Variants in TBC1D22A observed in about 807,000 individuals in gnomAD.
TBC1D22A encodes the protein TBC1 domain family member 22A.
A neutral mutation model predicts 60.2 loss-of-function variants in TBC1D22A; 38 were observed. That is an observed-to-expected ratio of 0.63 (90% CI 0.49 to 0.83). The LOEUF (loss-of-function observed/expected upper bound fraction) is 0.83, where lower values mean the gene tolerates loss of function less well. Ranked by LOEUF, TBC1D22A falls within the 40% of genes least tolerant of loss-of-function variation. The pLI, the probability that TBC1D22A is intolerant of heterozygous loss-of-function variation, is 0.00. For missense variants in TBC1D22A, 628 were observed against 701.0 expected (o/e 0.90, Z 1.18); for synonymous variants, 302 against 281.7 (o/e 1.07, Z -0.72).
intron 9 of TBC1D22A, among the ~76,000 whole-genome samples, chr22:46,993,569 T>C (rs1216184690): frequency 6.6e-6 from 1 of 152,188 alleles, no homozygotes; most frequent in Non-Finnish European, 1.5e-5. Context: ...GTGATCTGGG[T>C]GCCAGGTGTG....
chr22:46,829,495 C>T (rs1055385097), intron 4 of TBC1D22A, among the ~76,000 whole-genome samples: 1 of 152,204 alleles, frequency 6.6e-6, no homozygotes, highest in African/African-American at 2.4e-5. Flanking sequence ...AGACAGAACT[C>T]TTCTAACCGA....
intron 8 of TBC1D22A, chr22:46,913,594 C>A: frequency 8.6e-7 from 1 of 1,158,064 alleles, no homozygotes; most frequent in Non-Finnish European, 1.1e-6. Flanking sequence ...CCTGAGGGTG[C>A]TTGCTTTTCT....
intron 1 of TBC1D22A, among the ~76,000 whole-genome samples, chr22:46,775,834 T>C (rs1418352660): frequency 1.3e-5 from 2 of 152,246 alleles, no homozygotes; most frequent in Non-Finnish European, 2.9e-5. Flanking sequence ...TGTGCTGTGT[T>C]CTTGGAAGTT....
chr22:46,825,952 G>A (rs570635436), intron 4 of TBC1D22A, among the ~76,000 whole-genome samples: 3 of 146,888 alleles, frequency 2.0e-5, no homozygotes, highest in Non-Finnish European at 4.5e-5. Context: ...GCGCCATCTC[G>A]GCTTACTGCA....
chr22:46,996,838 A>T (rs375316539), intron 9 of TBC1D22A, among the ~76,000 whole-genome samples: 2 of 152,168 alleles, frequency 1.3e-5, no homozygotes, highest in Non-Finnish European at 2.9e-5. Flanking sequence ...TGGACCTGTC[A>T]CTGCCCCGGT....
At chr22:46,994,707 T>C (rs1197052469) in intron 9 of TBC1D22A, among the ~76,000 whole-genome samples, 1 of 152,258 alleles carries the variant, frequency 6.6e-6, no homozygotes, top group Non-Finnish European at 1.5e-5. Context: ...GGTTTACTTC[T>C]CACCCTTAAT....
chr22:46,894,654 A>G (rs976201342), intron 6 of TBC1D22A, 130 bp from the exon 7 acceptor site: 2 of 1,084,342 alleles, frequency 1.8e-6, no homozygotes, highest in African/African-American at 3.1e-5. Context: ...ATGGAGAACG[A>G]GAATCCTCAA....
At chr22:47,060,754 A>T (rs2063545563) in intron 11 of TBC1D22A, among the ~76,000 whole-genome samples, 1 of 152,178 alleles carries the variant, frequency 6.6e-6, no homozygotes, top group Non-Finnish European at 1.5e-5. Flanking sequence ...TAGGAGGAAA[A>T]TGCTGCCAGA....
chr22:46,924,184 C>T (rs953497934), intron 8 of TBC1D22A, among the ~76,000 whole-genome samples: 1 of 152,172 alleles, frequency 6.6e-6, no homozygotes, highest in Admixed American at 6.5e-5. Flanking sequence ...TAGAAACAGT[C>T]TTGACTGAGT....
Position 47,113,783 on chromosome 22 carries a change from C to G in TBC1D22A, c.1425+2180C>G, listed in dbSNP as rs114060989. On this transcript the variant is annotated intron_variant, in intron 12 of 12. Coordinates refer to ENST00000337137, the MANE Select transcript of TBC1D22A (RefSeq NM_014346.5). ...CTGTTGTGAATACGTGCAGAAGTGT[C>G]ACTCCGGCCCTGGAGGCTGAAGCAG... Among the ~76,000 whole-genome samples the G allele has an allele frequency of 8.3e-3, 1,257 of 152,280 alleles. 21 individuals are homozygous for G. The highest frequency in any genetic ancestry group is 0.028 in the African/African-American group (1,154 of 41,548).
chr22:47,087,066 A>C (rs940116671), intron 11 of TBC1D22A, among the ~76,000 whole-genome samples: 6 of 152,218 alleles, frequency 3.9e-5, no homozygotes, highest in Non-Finnish European at 8.8e-5. Context: ...TGGTTGCCTC[A>C]CTGTTTACTG....
At chr22:47,078,554 C>T (rs777184145) in intron 11 of TBC1D22A, among the ~76,000 whole-genome samples, 15 of 152,080 alleles carry the variant, frequency 9.9e-5, no homozygotes, top group East Asian at 3.9e-4. Flanking sequence ...GAATGTAACG[C>T]GCTTAGCACA....
chr22:47,108,770 A>G (rs1017979975), intron 11 of TBC1D22A, among the ~76,000 whole-genome samples: 1 of 152,114 alleles, frequency 6.6e-6, no homozygotes, highest in African/African-American at 2.4e-5. Flanking sequence ...ATCTCGGCTC[A>G]CTGCAAGCTC....
chr22:47,160,385 A>G (rs1386323306), intron 12 of TBC1D22A, among the ~76,000 whole-genome samples: 3 of 152,178 alleles, frequency 2.0e-5, no homozygotes, highest in Non-Finnish European at 2.9e-5. Context: ...CATGTGGCCC[A>G]TTGATCCTAC....
chr22:47,039,429 T>C lies in TBC1D22A; in HGVS notation c.1329+2231T>C, dbSNP rs111769778. Reference sequence around the variant, plus strand: ...ACTCTCCCCTAAACTGGGGGGTTTATTAGCTGAGCCATTACAGGTTTTAGT... The same window carrying C: ...ACTCTCCCCTAAACTGGGGGGTTTACTAGCTGAGCCATTACAGGTTTTAGT... On this transcript the variant is annotated intron_variant, in intron 11 of 12. Transcript: ENST00000337137. Among the ~76,000 whole-genome samples, 741 of 152,282 alleles carry C rather than the reference T, an allele frequency of 4.9e-3. 5 individuals are homozygous for C. Among genetic ancestry groups the C allele is most frequent in the Middle Eastern group, 0.014 (4 of 294 alleles).
intron 12 of TBC1D22A, among the ~76,000 whole-genome samples, chr22:47,136,678 G>T (rs531131868): frequency 6.6e-6 from 1 of 151,026 alleles, no homozygotes; most frequent in Admixed American, 6.6e-5. Flanking sequence ...TAGGGATTCT[G>T]AGTGGCCTTT....
intron 11 of TBC1D22A, among the ~76,000 whole-genome samples, chr22:47,091,924 A>G (rs903306400): frequency 5.3e-5 from 8 of 152,206 alleles, no homozygotes; most frequent in Non-Finnish European, 1.2e-4. Flanking sequence ...ATATGGTGAT[A>G]TGCACTCAGT....
At chr22:46,770,307 G>C (rs1051480652) in intron 1 of TBC1D22A, among the ~76,000 whole-genome samples, 1 of 152,206 alleles carries the variant, frequency 6.6e-6, no homozygotes, top group Non-Finnish European at 1.5e-5. Flanking sequence ...GAATTCTGCC[G>C]CCAACCGGAG....
chr22:47,136,772 G>C (rs1569467113), intron 12 of TBC1D22A, among the ~76,000 whole-genome samples: 1 of 152,212 alleles, frequency 6.6e-6, no homozygotes, highest in Non-Finnish European at 1.5e-5. Flanking sequence ...GTCACTGCCT[G>C]TGCCCCCAGG....
Sources: allele counts gnomAD v4.1 joint callset (sites outside exome capture counted in the v4.1 genomes callset), GRCh38; gene constraint gnomAD v4.1.1; transcripts MANE v1.5; gene names NCBI Gene and HGNC (gene_info 2026-07-23, HGNC 2026-07-21).